The following NTM variants were observed in gnomAD, a reference collection of about 807,000 sequenced individuals.
The protein encoded by NTM is IgLON family member 2.
A neutral mutation model predicts 42.1 loss-of-function variants in NTM; 13 were observed. That is an observed-to-expected ratio of 0.31 (90% CI 0.20 to 0.49). The LOEUF (loss-of-function observed/expected upper bound fraction) is 0.49, where lower values mean the gene tolerates loss of function less well. NTM is among the 20% of genes least tolerant of loss of function. The pLI, the probability that NTM is intolerant of heterozygous loss-of-function variation, is 0.99. For missense variants in NTM, 373 were observed against 452.8 expected, an observed-to-expected ratio of 0.82 and a Z score of 1.60; for synonymous variants, 187 against 179.2, an observed-to-expected ratio of 1.04 and a Z score of -0.35.
At chr11:131,688,112 G>C (rs1203287676) in intron 1 of NTM, among the ~76,000 whole-genome samples, 1 of 152,186 alleles carries the variant, frequency 6.6e-6, no homozygotes, top group Non-Finnish European at 1.5e-5. Context: ...CTCACATCTG[G>C]ATGAGGAGCC....
chr11:132,335,460 TG>T lies in NTM; in HGVS notation c.*317del. ...TCGTGCAACCTCTTTGGTGCCAGTGTGGGCAAGGGCTCAGCCTCTCTGCCCA... is the reference window on the plus strand; with the variant it reads ...TCGTGCAACCTCTTTGGTGCCAGTGTGGCAAGGGCTCAGCCTCTCTGCCCA... On this transcript the variant is annotated 3_prime_UTR_variant, in exon 9 of 9. Coordinates refer to ENST00000683400, the MANE Select transcript of NTM (RefSeq NM_001352005.2). 3.2e-6 allele frequency: 1 copy of T among 316,624 alleles called. No individual in the cohort carries two copies. The highest frequency in any genetic ancestry group is 6.0e-6 in the Non-Finnish European group (1 of 166,612). The allele number at this position is 316,624 out of a possible 1,614,324, so 19.6% of individuals were successfully genotyped here.
chr11:132,101,366 C>G (rs1270746723), intron 2 of NTM, among the ~76,000 whole-genome samples: 2 of 152,190 alleles, frequency 1.3e-5, no homozygotes, highest in Non-Finnish European at 2.9e-5. Context: ...GTAACTTGAC[C>G]TCTTGGTACC....
chr11:131,768,991 T>C (rs1038523605), intron 1 of NTM, among the ~76,000 whole-genome samples: 5 of 152,192 alleles, frequency 3.3e-5, no homozygotes, highest in Admixed American at 1.3e-4. Context: ...TATCAGATAA[T>C]AGTAAACCTT....
Position 132,146,793 on chromosome 11 carries a change from C to A in NTM, c.400+279C>A. On this transcript the variant is annotated intron_variant, in intron 3 of 8. Coordinates refer to ENST00000683400, the MANE Select transcript of NTM (RefSeq NM_001352005.2). This position sits in a 1 kb window ranked among gnomAD's most constrained non-coding sequence, Gnocchi z 4.5. ...TTGCTCTTCTTGGCTTTTTTCTCCCCTAAGTTTTAGTTATTTTTGTTTGTT... is the reference window on the plus strand; with the variant it reads ...TTGCTCTTCTTGGCTTTTTTCTCCCATAAGTTTTAGTTATTTTTGTTTGTT... The A allele has an allele frequency of 2.4e-6, 1 of 414,476 alleles. No individual in the cohort carries two copies. The highest frequency in any genetic ancestry group is 4.2e-6 in the Non-Finnish European group (1 of 235,420). 25.7% of individuals were successfully genotyped at this position (414,476 alleles called of 1,614,324 possible).
chr11:132,102,901 G>A lies in NTM; in HGVS notation c.168-43381G>A, dbSNP rs147913389. On this transcript the variant is annotated intron_variant, in intron 2 of 8. Transcript: ENST00000683400. ...CCTGCCCCAACAGTTACAGGTGCTC[G>A]CACACATCAAATGCCTCTTGTTGAG... Among the ~76,000 whole-genome samples the A allele has an allele frequency of 2.6e-5, 4 of 152,274 alleles. No homozygotes were observed. In the East Asian group the frequency reaches 5.8e-4, roughly 22 times the overall value.
chr11:131,679,662 C>T (rs2072071546), intron 1 of NTM, among the ~76,000 whole-genome samples: 1 of 151,312 alleles, frequency 6.6e-6, no homozygotes, highest in African/African-American at 2.4e-5. Context: ...TAACTAGTGC[C>T]CCCTAGTAAG....
intron 1 of NTM, among the ~76,000 whole-genome samples, chr11:131,808,096 TG>T (rs1442644772): frequency 6.6e-6 from 1 of 152,206 alleles, no homozygotes; most frequent in African/African-American, 2.4e-5. Flanking sequence ...GGTGACTCAC[TG>T]GGTCACCAGA....
chr11:131,564,868 T>TAC (rs58633675), intron 1 of NTM, among the ~76,000 whole-genome samples: 13,725 of 151,654 alleles, frequency 0.091, 807 homozygotes, highest in African/African-American at 0.17. Flanking sequence ...TACACACACA[T>TAC]ACACACACAC....
intron 1 of NTM, among the ~76,000 whole-genome samples, chr11:131,627,142 C>T (rs2063184030): frequency 6.6e-6 from 1 of 152,008 alleles, no homozygotes. Flanking sequence ...TCTTGTACCT[C>T]GAGTGCCCTG....
At chr11:132,149,369 G>T (rs2071350035) in intron 3 of NTM, among the ~76,000 whole-genome samples, 2 of 152,132 alleles carry the variant, frequency 1.3e-5, no homozygotes, top group South Asian at 4.2e-4. Flanking sequence ...TGGAATAAAA[G>T]TTGGGCATAT....
intron 3 of NTM, among the ~76,000 whole-genome samples, chr11:132,207,883 A>G (rs757585436): frequency 6.6e-6 from 1 of 152,312 alleles, no homozygotes; most frequent in Non-Finnish European, 1.5e-5. Flanking sequence ...ATAACACGTG[A>G]TTCACCATTC....
At chr11:132,095,573 C>T (rs2060873175) in intron 2 of NTM, among the ~76,000 whole-genome samples, 1 of 152,174 alleles carries the variant, frequency 6.6e-6, no homozygotes, top group Admixed American at 6.5e-5. Flanking sequence ...CTAAAGAAGA[C>T]ATTGGGACAA....
chr11:131,875,431 T>A (rs1480686120), intron 1 of NTM, among the ~76,000 whole-genome samples: 1 of 152,232 alleles, frequency 6.6e-6, no homozygotes, highest in Non-Finnish European at 1.5e-5. Context: ...GAATGTTGAA[T>A]GAATCAGTGA....
intron 4 of NTM, among the ~76,000 whole-genome samples, chr11:132,262,095 C>T (rs1007251966): frequency 2.0e-5 from 3 of 152,308 alleles, no homozygotes; most frequent in Admixed American, 6.5e-5. Context: ...ACAGAATCCA[C>T]GGAACCCTGC....
intron 3 of NTM, among the ~76,000 whole-genome samples, chr11:132,191,089 C>T (rs762912855): frequency 6.6e-6 from 1 of 152,108 alleles, no homozygotes; most frequent in Non-Finnish European, 1.5e-5. Context: ...GGGGAAAAAA[C>T]AGGTCAGTGT....
chr11:132,276,710 G>A (rs1472728671), intron 4 of NTM, among the ~76,000 whole-genome samples: 1 of 152,170 alleles, frequency 6.6e-6, no homozygotes, highest in Non-Finnish European at 1.5e-5. Context: ...CTGCATTTTT[G>A]TTGTGGGGGA....
chr11:131,727,359 T>C lies in NTM; in HGVS notation c.83-184205T>C, dbSNP rs1050342757. On this transcript the variant is annotated intron_variant, in intron 1 of 8. Transcript: ENST00000683400. ...AGGAAATGAAAGGAGAAAAATAAGG[T>C]GAAGCCAATACACAAAGCAAATACC... is the stretch of plus-strand genomic sequence containing the variant. Among the ~76,000 whole-genome samples the C allele has an allele frequency of 1.7e-4, 26 of 152,294 alleles. No individual in the cohort carries two copies. The East Asian group carries it at 4.6e-3, about 27-fold the overall frequency.
intron 3 of NTM, among the ~76,000 whole-genome samples, chr11:132,162,187 G>GTGTGTGT (rs1169141728): frequency 7.3e-6 from 1 of 137,550 alleles, no homozygotes; most frequent in Admixed American, 7.4e-5. Context: ...GTTTTGGGGG[G>GTGTGTGT]AGTGTGTATG....
At chr11:131,618,317 G>A (rs1027122428) in intron 1 of NTM, among the ~76,000 whole-genome samples, 9 of 152,116 alleles carry the variant, frequency 5.9e-5, no homozygotes, top group African/African-American at 2.2e-4. Flanking sequence ...AGGGTATTTC[G>A]TAAACTCCCT....
Sources: allele counts gnomAD v4.1 joint callset (sites outside exome capture counted in the v4.1 genomes callset), GRCh38; gene constraint gnomAD v4.1.1; non-coding constraint Gnocchi (gnomAD v3.1); transcripts MANE v1.5; gene names NCBI Gene and HGNC (gene_info 2026-07-23, HGNC 2026-07-21).